The following RBFOX3 variants were observed in gnomAD, a reference collection of about 807,000 sequenced individuals.
The protein encoded by RBFOX3 is RNA binding protein fox-1 homolog 3.
A neutral mutation model predicts 48.7 loss-of-function variants in RBFOX3; 17 were observed. That is an observed-to-expected ratio of 0.35 (90% CI 0.24 to 0.52). The LOEUF (loss-of-function observed/expected upper bound fraction) is 0.52, where lower values mean the gene tolerates loss of function less well. Ranked by LOEUF, RBFOX3 falls within the 20% of genes least tolerant of loss-of-function variation. The probability of loss-of-function intolerance (pLI) is 0.94; values close to 1 mark genes in which losing one functional copy is unlikely to be tolerated. For synonymous variants in RBFOX3, 212 were observed against 209.5 expected, an observed-to-expected ratio of 1.01 and a Z score of -0.10; for missense variants, 382 against 497.5, an observed-to-expected ratio of 0.77 and a Z score of 2.21.
chr17:79,298,972 C>T (rs1433447537), intron 3 of RBFOX3, among the ~76,000 whole-genome samples: 1 of 152,130 alleles, frequency 6.6e-6, no homozygotes, highest in African/African-American at 2.4e-5. Flanking sequence ...CAGCACCGGG[C>T]GGCAGCCTGC....
chr17:79,284,583 AGGCTAGAGTGTAGT>A (rs2071415543), intron 3 of RBFOX3, among the ~76,000 whole-genome samples: 1 of 139,522 alleles, frequency 7.2e-6, no homozygotes, highest in Non-Finnish European at 1.5e-5. Context: ...GTCACCCAGC[AGGCTAGAGTGTAGT>A]GGCTTGATCT....
At chr17:79,245,845 T>G (rs1223098235) in intron 3 of RBFOX3, among the ~76,000 whole-genome samples, 1 of 152,114 alleles carries the variant, frequency 6.6e-6, no homozygotes, top group African/African-American at 2.4e-5. Context: ...CAGGCTGGTC[T>G]CGAACTTCTG....
chr17:79,656,996 T>G, the RBFOX3 span, among the ~76,000 whole-genome samples: 1 of 152,090 alleles, frequency 6.6e-6, no homozygotes, highest in Non-Finnish European at 1.5e-5. Flanking sequence ...TGACCTCTGT[T>G]CCTGTTGCAT....
chr17:79,477,330 GT>G lies in RBFOX3; in HGVS notation c.-175+5123del, dbSNP rs2077995883. On this transcript the variant is annotated intron_variant, in intron 2 of 14. Transcript: ENST00000693108. This position sits in a 1 kb window ranked among gnomAD's most constrained non-coding sequence, Gnocchi z 4.8. ...CCAGCACTTTGGGAGGCCAAGGCAG[GT>G]GGATCACGAGGTCAGGAGATCGAGA... 6.6e-6 allele frequency among the ~76,000 whole-genome samples: 1 copy of G among 151,172 alleles called. No individual in the cohort carries two copies. The highest frequency in any genetic ancestry group is 2.4e-5 in the African/African-American group (1 of 41,206).
intron 5 of RBFOX3, among the ~76,000 whole-genome samples, chr17:79,110,811 G>A (rs1241595129): frequency 6.6e-6 from 1 of 152,232 alleles, no homozygotes; most frequent in Non-Finnish European, 1.5e-5. Flanking sequence ...CGTGGCACGG[G>A]CAGCCGACTG....
intron 1 of RBFOX3, among the ~76,000 whole-genome samples, chr17:79,562,281 A>T (rs1243687221): frequency 6.6e-6 from 1 of 152,146 alleles, no homozygotes; most frequent in Non-Finnish European, 1.5e-5. Context: ...TTCCCCATCC[A>T]CACACGGAGC....
At chr17:79,447,000 C>T (rs1422307354) in intron 2 of RBFOX3, among the ~76,000 whole-genome samples, 7 of 152,272 alleles carry the variant, frequency 4.6e-5, no homozygotes, top group African/African-American at 1.7e-4. Context: ...ACCTGAGGCA[C>T]AGCCAAAGCC....
In RBFOX3 at chr17:79,397,385, C is replaced by T. The variant is rs540777247; in HGVS notation, c.-175+85069G>A. ...GCGCACACCTGTAGTCCCAGCTACT[C>T]GGGGGTCTGAGGCAGGAGAATCACT... On this transcript the variant is annotated intron_variant, in intron 2 of 14. Transcript: ENST00000693108. Among the ~76,000 whole-genome samples the T allele has an allele frequency of 2.6e-5, 4 of 151,858 alleles. No homozygotes were observed. The East Asian group carries it at 5.8e-4, about 22-fold the overall frequency.
chr17:79,153,970 G>A (rs1237407504), intron 4 of RBFOX3, among the ~76,000 whole-genome samples: 4 of 152,246 alleles, frequency 2.6e-5, no homozygotes, highest in South Asian at 4.1e-4. Flanking sequence ...GGCCCAGTCC[G>A]GCTCCCACGG....
chr17:79,463,214 TCCACTGCCATCGCCACTG>T (rs1434189566), intron 2 of RBFOX3, among the ~76,000 whole-genome samples: 7 of 84,180 alleles, frequency 8.3e-5, no homozygotes, highest in Admixed American at 1.3e-4. Context: ...CACTGCCACC[TCCACTGCCATCGCCACTG>T]CCACTGCCAT....
At chr17:79,172,348 T>C (rs573525896) in intron 4 of RBFOX3, among the ~76,000 whole-genome samples, 60 of 152,288 alleles carry the variant, frequency 3.9e-4, no homozygotes, top group African/African-American at 1.4e-3. Context: ...TTTTGCCCAC[T>C]TTGCCACAGG....
rs556027560 is a variant in RBFOX3 at position 79,412,439 on chromosome 17, GAT to G, written c.-175+70013_-175+70014del. ...GTGTGTGAGGTGTATACATGTGTGT[GAT>G]ATGTGTGAGCGTATTGTGTATGTGT... is the stretch of plus-strand genomic sequence containing the variant. On this transcript the variant is annotated intron_variant, in intron 2 of 14. Coordinates refer to ENST00000693108, the MANE Select transcript of RBFOX3 (RefSeq NM_001350451.2). Among the ~76,000 whole-genome samples the G allele has an allele frequency of 1.4e-3, 216 of 152,104 alleles. 1 individual carries two copies. The highest frequency in any genetic ancestry group is 4.9e-3 in the African/African-American group (202 of 41,448).
At chr17:79,382,805 C>T (rs962700799) in intron 2 of RBFOX3, among the ~76,000 whole-genome samples, 1 of 152,188 alleles carries the variant, frequency 6.6e-6, no homozygotes, top group Non-Finnish European at 1.5e-5. Context: ...TCCTGCCATC[C>T]TGGCGTCCAT....
chr17:79,455,248 C>A (rs1320213164), intron 2 of RBFOX3, among the ~76,000 whole-genome samples: 1 of 152,172 alleles, frequency 6.6e-6, no homozygotes, highest in African/African-American at 2.4e-5. Flanking sequence ...TCCAAAGACG[C>A]GCAGGCTACC....
intron 6 of RBFOX3, among the ~76,000 whole-genome samples, chr17:79,106,183 C>A (rs1282420017): frequency 6.6e-6 from 1 of 152,036 alleles, no homozygotes; most frequent in Non-Finnish European, 1.5e-5. Flanking sequence ...CCCGGGCACA[C>A]AAGAGAGGCC....
At position 79,248,715 on chromosome 17, in the gene RBFOX3, G is replaced by C. The variant is rs78608697; in HGVS notation, c.-73-12910C>G. 6.9e-3 allele frequency among the ~76,000 whole-genome samples: 1,044 copies of C among 152,292 alleles called. 7 individuals carry two copies. The highest frequency in any genetic ancestry group is 0.024 in the African/African-American group (983 of 41,544). ...TCTCACCCCACAACCCTATCGGGGG[G>C]TGCTTGTATCCCTAGGCACAGGTAA... On this transcript the variant is annotated intron_variant, in intron 3 of 14. Coordinates refer to ENST00000693108, the MANE Select transcript of RBFOX3 (RefSeq NM_001350451.2).
At chr17:79,296,194 A>G (rs1255887225) in intron 3 of RBFOX3, among the ~76,000 whole-genome samples, 1 of 152,156 alleles carries the variant, frequency 6.6e-6, no homozygotes, top group Non-Finnish European at 1.5e-5. Flanking sequence ...ACAGACGCAA[A>G]AGGAAAATAC....
At chr17:79,511,668 C>T (rs1271496643) in intron 1 of RBFOX3, among the ~76,000 whole-genome samples, 2 of 150,614 alleles carry the variant, frequency 1.3e-5, no homozygotes, top group Non-Finnish European at 3.0e-5. Flanking sequence ...AGGGGACACC[C>T]ACCCGGATAC....
intron 2 of RBFOX3, among the ~76,000 whole-genome samples, chr17:79,397,410 T>G (rs1351922120): frequency 6.6e-6 from 1 of 151,182 alleles, no homozygotes; most frequent in East Asian, 2.0e-4. Flanking sequence ...GGAGAATCAC[T>G]TGAACCCGGG....
Sources: gnomAD v4.1 joint callset for allele counts (sites outside exome capture counted in the v4.1 genomes callset) on GRCh38, gnomAD v4.1.1 for gene constraint, Gnocchi (gnomAD v3.1) non-coding constraint, MANE v1.5 for transcripts, NCBI Gene and HGNC (gene_info 2026-07-23, HGNC 2026-07-21) for gene names.